CFAP99: variants seen among roughly 807,000 people sequenced by gnomAD.
The protein encoded by CFAP99 is cilia and flagella associated protein 99, also known as cilia- and flagella-associated protein 99.
CFAP99 carries 84 observed loss-of-function variants against 82.7 expected under a neutral mutation model. That is an observed-to-expected ratio of 1.02 (90% CI 0.85 to 1.22). The LOEUF is 1.22. Ranked by LOEUF, CFAP99 falls within the 50% of genes most tolerant of loss-of-function variation. CFAP99 has a pLI of 0.00. For synonymous variants in CFAP99, 456 were observed against 429.5 expected (o/e 1.06, Z -0.76); for missense variants, 1,059 against 983.5 (o/e 1.08, Z -1.03).
chr4:2,443,068 C>T (rs1734085359), intron 4 of CFAP99, 62 bp from the exon 5 acceptor site: 1 of 961,692 alleles, frequency 1.0e-6, no homozygotes, highest in Non-Finnish European at 1.6e-6. Flanking sequence ...GTGCTGGGGA[C>T]TTTGCCCGGT....
exon 10 of CFAP99, chr4:2,451,278 G>C (rs1734294196): frequency 6.5e-7 from 1 of 1,535,914 alleles, no homozygotes; most frequent in African/African-American, 1.4e-5. Context: ...ACAACATCCT[G>C]GTCAAGCTGA....
In CFAP99 at chr4:2,426,515, C is replaced by T. The variant is rs1733687597; in HGVS notation, c.40C>T (p.Gln14Ter). Residue 14 changes from glutamine (Q) to a stop codon, truncating the protein, a stop_gained, in exon 2 of 15, where the codon CAA becomes TAA. Transcript: ENST00000635017. LOFTEE classifies it high-confidence loss of function. ...AAAATGCATTGAAACTGTGATCGAG[C>T]AACTCGACAAATTTACACCCAAGAG... The T allele has an allele frequency of 1.3e-6, 2 of 1,536,028 alleles. No individual in the cohort carries two copies. Among genetic ancestry groups the T allele is most frequent in the African/African-American group, 1.4e-5 (1 of 73,150 alleles).
At chr4:2,452,011 C>A in intron 10 of CFAP99, 131 bp from the exon 11 acceptor site, 1 of 878,128 alleles carries the variant, frequency 1.1e-6, no homozygotes, top group Non-Finnish European at 1.8e-6. Context: ...GAAGGGCAGG[C>A]CACGCAGCTG....
chr4:2,422,930 C>T lies in CFAP99; in HGVS notation c.-17-3529C>T, dbSNP rs569007417. Among the ~76,000 whole-genome samples the T allele has an allele frequency of 7.2e-4, 109 of 152,322 alleles. 1 individual carries two copies. Among genetic ancestry groups the T allele is most frequent in the Admixed American group, 6.6e-3 (101 of 15,312 alleles). ...CAAGGGATCCTCCCACCTCAGCCCC[C>T]CAAGGAGCTAGGACTACAGGCGTGC... On this transcript the variant is annotated intron_variant, in intron 1 of 14. Coordinates refer to ENST00000635017, the Ensembl canonical transcript of CFAP99.
At chr4:2,445,452 C>A (rs745893894) in intron 6 of CFAP99, 144 bp downstream of exon 6, 12 of 710,774 alleles carry the variant, frequency 1.7e-5, no homozygotes, top group Non-Finnish European at 2.3e-5. Flanking sequence ...ACTAAATGAC[C>A]CCACCCCACC....
intron 2 of CFAP99, among the ~76,000 whole-genome samples, chr4:2,434,703 T>C (rs1341565721): frequency 6.6e-6 from 1 of 152,092 alleles, no homozygotes; most frequent in African/African-American, 2.4e-5. Context: ...CCTGGGGAGC[T>C]GAAGAAAAGG....
At chr4:2,445,183 A>G (rs1243767680) in exon 6 of CFAP99, 4 of 1,431,798 alleles carry the variant, frequency 2.8e-6, no homozygotes, top group African/African-American at 1.5e-5. Flanking sequence ...CGTGTCTGCC[A>G]GTCAATCCTC....
chr4:2,452,466 C>T, intron 11 of CFAP99, 120 bp downstream of exon 11: 1 of 1,066,274 alleles, frequency 9.4e-7, no homozygotes, highest in Non-Finnish European at 1.4e-6. Context: ...GTAGAAGCTA[C>T]TGATGTGTTG....
At chr4:2,440,782 G>A (rs1479165793) in intron 4 of CFAP99, among the ~76,000 whole-genome samples, 1 of 151,616 alleles carries the variant, frequency 6.6e-6, no homozygotes, top group Non-Finnish European at 1.5e-5. Flanking sequence ...TTTTAGTAGA[G>A]ACAGGGTTTC....
chr4:2,457,315 T>C (rs1401999614), intron 11 of CFAP99, among the ~76,000 whole-genome samples: 2 of 152,244 alleles, frequency 1.3e-5, no homozygotes, highest in Non-Finnish European at 2.9e-5. Flanking sequence ...TTCCACTTGA[T>C]TCTGGCCACA....
At chr4:2,429,577 G>A (rs1200868142) in intron 2 of CFAP99, among the ~76,000 whole-genome samples, 1 of 146,528 alleles carries the variant, frequency 6.8e-6, no homozygotes, top group East Asian at 2.1e-4. Context: ...TGGTTTTTCA[G>A]ATCTTTTCTT....
At chr4:2,442,073 C>A (rs1450830376) in intron 4 of CFAP99, among the ~76,000 whole-genome samples, 3 of 152,204 alleles carry the variant, frequency 2.0e-5, no homozygotes, top group Non-Finnish European at 4.4e-5. Flanking sequence ...CCACCACACC[C>A]CAGTGAGGAT....
rs1286262505 is a variant in CFAP99, at chr4:2,426,598, T to G, written c.111+12T>G. The G allele has an allele frequency of 3.3e-6, 5 of 1,508,514 alleles. No individual in the cohort carries two copies. The highest frequency in any genetic ancestry group is 4.5e-6 in the Non-Finnish European group (5 of 1,121,912). The allele number at this position is 1,508,514 out of a possible 1,614,324, so 93.4% of individuals were successfully genotyped here. ...CCACCTCCCTGCAGGTAGGATCTGC[T>G]GGGGGCTGCTGGGAGGCCACGCCAA... On this transcript the variant is annotated intron_variant, in intron 2 of 14. Transcript: ENST00000635017.
At chr4:2,427,987 C>G (rs1733719991) in intron 2 of CFAP99, 1 of 152,430 alleles carries the variant, frequency 6.6e-6, no homozygotes, top group African/African-American at 2.4e-5. Context: ...TGCAGAGCTG[C>G]AGGCCTCCGT....
At chr4:2,461,592 G>A (rs991491446) in intron 14 of CFAP99, among the ~76,000 whole-genome samples, 1 of 152,180 alleles carries the variant, frequency 6.6e-6, no homozygotes, top group Admixed American at 6.5e-5. Flanking sequence ...GAGCTCAGAC[G>A]CAGCCTGGTT....
In CFAP99 at chr4:2,455,621, G is replaced by C. The variant is rs569065366; in HGVS notation, c.1162-3102G>C. Reference sequence around the variant, plus strand: ...TGAGAATCGCTTGAACCCAGGAGGTGGAGGTTGCAGTGAGCCAACATCATG... The same window carrying C: ...TGAGAATCGCTTGAACCCAGGAGGTCGAGGTTGCAGTGAGCCAACATCATG... On this transcript the variant is annotated intron_variant, in intron 11 of 14. Coordinates refer to ENST00000635017, the Ensembl canonical transcript of CFAP99. Among the ~76,000 whole-genome samples, 7 of 152,330 alleles carry C rather than the reference G, an allele frequency of 4.6e-5. No individual in the cohort carries two copies. The East Asian group carries it at 7.7e-4, about 17-fold the overall frequency.
At chr4:2,445,165 C>T (rs1397649349) in exon 6 of CFAP99, 14 of 1,411,854 alleles carry the variant, frequency 9.9e-6, no homozygotes, top group Non-Finnish European at 1.1e-5. Context: ...GATCAACCAC[C>T]TGGAGGGCGT....
chr4:2,451,709 C>T (rs1473397190), intron 10 of CFAP99, among the ~76,000 whole-genome samples: 2 of 128,228 alleles, frequency 1.6e-5, no homozygotes, highest in East Asian at 2.3e-4. Flanking sequence ...GCGGTGTGGT[C>T]GTGTCTTTCC....
At chr4:2,422,481 A>G (rs1733604796) in intron 1 of CFAP99, among the ~76,000 whole-genome samples, 1 of 152,046 alleles carries the variant, frequency 6.6e-6, no homozygotes, top group African/African-American at 2.4e-5. Flanking sequence ...CTCCTCCTCG[A>G]TTTGCATCAC....
Sources: allele counts gnomAD v4.1 joint callset (sites outside exome capture counted in the v4.1 genomes callset), GRCh38; gene constraint gnomAD v4.1.1; transcripts MANE v1.5; gene names NCBI Gene and HGNC (gene_info 2026-07-23, HGNC 2026-07-21).